PXYLP1: variants seen among roughly 807,000 people sequenced by gnomAD.
PXYLP1 encodes 2-phosphoxylose phosphatase 1.
In PXYLP1, 17 loss-of-function variants were observed where a neutral mutation model predicts 37.9. The ratio of observed to expected loss-of-function variants is 0.45; its 90% CI spans 0.31 to 0.67. The LOEUF (loss-of-function observed/expected upper bound fraction) is 0.67, where lower values mean the gene tolerates loss of function less well. Ranked by LOEUF, PXYLP1 falls within the 30% of genes least tolerant of loss-of-function variation. The pLI is 0.07. For synonymous variants in PXYLP1, 221 were observed against 232.2 expected, an observed-to-expected ratio of 0.95 and a Z score of 0.44; for missense variants, 511 against 612.0, an observed-to-expected ratio of 0.84 and a Z score of 1.74.
At chr3:141,273,123 C>T in intron 2 of PXYLP1, 2 of 985,464 alleles carry the variant, frequency 2.0e-6, no homozygotes, top group Non-Finnish European at 2.4e-6. Context: ...TGTGCTTTCT[C>T]CCCACCTTTT....
At chr3:141,248,512 TAC>T (rs1163356024) in intron 1 of PXYLP1, among the ~76,000 whole-genome samples, 3,522 of 102,106 alleles carry the variant, frequency 0.034, 150 homozygotes, top group African/African-American at 0.13. Flanking sequence ...TATATATATA[TAC>T]ACACACACAC....
At chr3:141,260,333 A>G (rs1941361587) in intron 2 of PXYLP1, 79 bp downstream of exon 2, 1 of 1,501,092 alleles carries the variant, frequency 6.7e-7, no homozygotes, top group Middle Eastern at 2.1e-4. Flanking sequence ...GGCTTGTTTT[A>G]TAAATGAATG....
chr3:141,264,747 A>G (rs1017690094), intron 2 of PXYLP1, among the ~76,000 whole-genome samples: 3 of 152,204 alleles, frequency 2.0e-5, no homozygotes, highest in Admixed American at 1.3e-4. Flanking sequence ...CTTACCAGCT[A>G]TGTGACCTCA....
rs920859359 is a variant in PXYLP1, at chr3:141,285,159, T to C, written c.366-2155T>C. Among the ~76,000 whole-genome samples, 1,195 of 148,282 alleles carry C rather than the reference T, an allele frequency of 8.1e-3. 6 individuals carry two copies. The highest frequency in any genetic ancestry group is 0.012 in the Admixed American group (180 of 15,010). ...TTTTCTTTTTCTTTTTTTTTTTTTTTTTTTTGAGACAGGGTATCTCTTTGT... is the reference window on the plus strand; with the variant it reads ...TTTTCTTTTTCTTTTTTTTTTTTTTCTTTTTGAGACAGGGTATCTCTTTGT... On this transcript the variant is annotated intron_variant, in intron 4 of 5. Coordinates refer to ENST00000286353, the MANE Select transcript of PXYLP1 (RefSeq NM_001037172.3).
intron 1 of PXYLP1, among the ~76,000 whole-genome samples, chr3:141,240,222 T>G (rs1336487353): frequency 6.6e-6 from 1 of 152,186 alleles, no homozygotes; most frequent in Admixed American, 6.5e-5. Flanking sequence ...CTGTATCACA[T>G]GGGTTGCCCC....
chr3:141,237,266 A>G (rs1242774554), intron 1 of PXYLP1, among the ~76,000 whole-genome samples: 1 of 152,152 alleles, frequency 6.6e-6, no homozygotes, highest in African/African-American at 2.4e-5. Context: ...CTGCAAGTCA[A>G]ACAAACAAAC....
At chr3:141,274,713 C>T in intron 2 of PXYLP1, 1 of 702,042 alleles carries the variant, frequency 1.4e-6, no homozygotes, top group Non-Finnish European at 2.6e-6. Flanking sequence ...TTTGGGATGG[C>T]AGGGTGACAA....
chr3:141,261,734 G>C (rs187096001), intron 2 of PXYLP1, among the ~76,000 whole-genome samples: 15 of 148,642 alleles, frequency 1.0e-4, no homozygotes, highest in Admixed American at 9.6e-4. Context: ...GTTTCTCTCT[G>C]TATCCCAGGA....
At chr3:141,271,518 G>T (rs1941663331) in intron 2 of PXYLP1, among the ~76,000 whole-genome samples, 1 of 152,214 alleles carries the variant, frequency 6.6e-6, no homozygotes, top group African/African-American at 2.4e-5. Flanking sequence ...AGTCAGTGGG[G>T]TGACTTGTGT....
intron 1 of PXYLP1, chr3:141,258,896 G>A (rs571034412): frequency 3.3e-5 from 5 of 152,202 alleles, no homozygotes; most frequent in African/African-American, 9.7e-5. Context: ...AGGCGCAATC[G>A]TAAGGTGCAA....
At chr3:141,245,996 G>A (rs1236755414) in intron 1 of PXYLP1, among the ~76,000 whole-genome samples, 1 of 152,170 alleles carries the variant, frequency 6.6e-6, no homozygotes, top group Non-Finnish European at 1.5e-5. Context: ...GGAAAGTCAG[G>A]AGAGCTGGCT....
chr3:141,256,177 T>A (rs1941258241), intron 1 of PXYLP1, among the ~76,000 whole-genome samples: 1 of 152,116 alleles, frequency 6.6e-6, no homozygotes, highest in Non-Finnish European at 1.5e-5. Context: ...TCTTCCGGAG[T>A]GTGGAAGTCA....
At chr3:141,279,681 C>T (rs781391134) in intron 4 of PXYLP1, among the ~76,000 whole-genome samples, 177 bp downstream of exon 4, 1 of 152,202 alleles carries the variant, frequency 6.6e-6, no homozygotes, top group Non-Finnish European at 1.5e-5. Flanking sequence ...GAGGCGGGGA[C>T]ACCTGTTTGA....
chr3:141,285,159 T>TTTTG (rs1942045511), intron 4 of PXYLP1, among the ~76,000 whole-genome samples: 1 of 148,184 alleles, frequency 6.7e-6, no homozygotes, highest in African/African-American at 2.5e-5. Flanking sequence ...TTTTTTTTTT[T>TTTTG]TTTTTGAGAC....
At chr3:141,248,593 ACG>A (rs1312969695) in intron 1 of PXYLP1, among the ~76,000 whole-genome samples, 1 of 35,992 alleles carries the variant, frequency 2.8e-5, no homozygotes, top group Non-Finnish European at 4.5e-5. Flanking sequence ...ATATACACAC[ACG>A]TGTATATATA....
intron 1 of PXYLP1, chr3:141,258,340 ACT>A (rs999364012): frequency 1.4e-4 from 21 of 152,060 alleles, no homozygotes; most frequent in African/African-American, 4.6e-4. Context: ...GGAGGCACTG[ACT>A]CTCGGTTAGG....
At chr3:141,246,679 G>A (rs1369835032) in intron 1 of PXYLP1, among the ~76,000 whole-genome samples, 2 of 152,222 alleles carry the variant, frequency 1.3e-5, no homozygotes, top group Admixed American at 1.3e-4. Flanking sequence ...CTCTGGACCA[G>A]GCAGTGTTCT....
At chr3:141,273,158 C>A (rs775188625) in intron 2 of PXYLP1, 9 of 985,322 alleles carry the variant, frequency 9.1e-6, no homozygotes, top group Non-Finnish European at 1.1e-5. Context: ...GACTGTCCCC[C>A]GCAACTGGAT....
Position 141,293,129 on chromosome 3 carries a change from T to A in PXYLP1, c.1367T>A (p.Val456Glu). 1 of 1,614,120 alleles carries A rather than the reference T, an allele frequency of 6.2e-7. No individual in the cohort carries two copies. Among genetic ancestry groups the A allele is most frequent in the Non-Finnish European group, 8.5e-7 (1 of 1,180,032 alleles). ...CCGCTTGAAAACTTGGTCCGCTTTGTGAAAAGGGACATGTTTGTAGCCCTG... is the reference window on the plus strand; with the variant it reads ...CCGCTTGAAAACTTGGTCCGCTTTGAGAAAAGGGACATGTTTGTAGCCCTG... Reference protein sequence around the residue: ...MCPLENLVRFVKRDMFVALGG... With the variant: ...MCPLENLVRFEKRDMFVALGG... Residue 456 changes from valine (V) to glutamate (E), a missense_variant, in exon 6 of 6, where the codon GTG (valine) becomes GAG (glutamate). Physicochemically the swap from Val to Glu is moderately radical, Grantham distance 121. Transcript: ENST00000286353.
Sources: gnomAD v4.1 joint callset for allele counts (sites outside exome capture counted in the v4.1 genomes callset) on GRCh38, gnomAD v4.1.1 for gene constraint, MANE v1.5 for transcripts, NCBI Gene and HGNC (gene_info 2026-07-23, HGNC 2026-07-21) for gene names.